HINT3: variants seen among roughly 807,000 people sequenced by gnomAD.
HINT3 encodes adenosine 5'-monophosphoramidase HINT3.
HINT3 carries 16 observed loss-of-function variants against 19.1 expected under a neutral mutation model. The ratio of observed to expected loss-of-function variants is 0.84; its 90% CI spans 0.57 to 1.27. HINT3 has a LOEUF of 1.27. Among genes scored for constraint, HINT3 ranks in the 50% most tolerant of loss-of-function variants. The pLI is 0.00. For synonymous variants in HINT3, 75 were observed against 84.8 expected, an observed-to-expected ratio of 0.88 and a Z score of 0.63; for missense variants, 197 against 225.8, an observed-to-expected ratio of 0.87 and a Z score of 0.82.
At chr6:125,957,253 G>A (rs1788853544) in intron 1 of HINT3, 75 bp downstream of exon 1, 5 of 1,417,316 alleles carry the variant, frequency 3.5e-6, no homozygotes, top group Admixed American at 2.2e-5. Flanking sequence ...AGGCCTCGCC[G>A]TTGTGGAGCG....
intron 1 of HINT3, among the ~76,000 whole-genome samples, chr6:125,964,737 T>TACACACACACAC (rs3083382): frequency 6.1e-5 from 9 of 148,436 alleles, no homozygotes; most frequent in Non-Finnish European, 1.2e-4. Flanking sequence ...AATAGTTTTA[T>TACACACACACAC]ACACACACAC....
intron 2 of HINT3, 62 bp downstream of exon 2, chr6:125,967,066 TGAA>T: frequency 9.6e-7 from 1 of 1,046,154 alleles, no homozygotes; most frequent in Non-Finnish European, 1.4e-6. Flanking sequence ...GTGATGGCAG[TGAA>T]GATTAAAAAG....
chr6:125,962,613 T>C (rs1396829424), intron 1 of HINT3, among the ~76,000 whole-genome samples: 2 of 152,166 alleles, frequency 1.3e-5, no homozygotes, highest in African/African-American at 2.4e-5. Context: ...AGAGAAAAAT[T>C]TCCATTTGGA....
chr6:125,962,241 T>C (rs1323282312), intron 1 of HINT3, among the ~76,000 whole-genome samples: 2 of 40,322 alleles, frequency 5.0e-5, no homozygotes, highest in African/African-American at 2.1e-4. Context: ...TATACACATA[T>C]ATATATATAC....
intron 2 of HINT3, among the ~76,000 whole-genome samples, chr6:125,970,364 A>T (rs1789080864): frequency 6.6e-6 from 1 of 151,982 alleles, no homozygotes; most frequent in Non-Finnish European, 1.5e-5. Flanking sequence ...AAAAGTTTTT[A>T]TTTTCATTCT....
intron 2 of HINT3, among the ~76,000 whole-genome samples, chr6:125,969,384 A>G (rs983857078): frequency 6.6e-6 from 1 of 152,154 alleles, no homozygotes; most frequent in African/African-American, 2.4e-5. Flanking sequence ...TTGTACCACT[A>G]TCATGCTGTT....
intron 2 of HINT3, 119 bp downstream of exon 2, chr6:125,967,123 T>A (rs1789029799): frequency 1.7e-6 from 1 of 585,074 alleles, no homozygotes; most frequent in Non-Finnish European, 2.9e-6. Flanking sequence ...ATTATGACTT[T>A]TTGAAATTTT....
chr6:125,957,225 C>A, intron 1 of HINT3, 47 bp downstream of exon 1: 1 of 1,503,028 alleles, frequency 6.7e-7, no homozygotes, highest in Non-Finnish European at 8.9e-7. Flanking sequence ...CTGGCCGCCC[C>A]TCGGAGCTCC....
intron 3 of HINT3, 66 bp downstream of exon 3, chr6:125,972,394 C>A: frequency 1.0e-6 from 1 of 1,002,638 alleles, no homozygotes; most frequent in South Asian, 1.9e-5. Context: ...TGTCATTTCT[C>A]CATGGAAAAT....
At position 125,973,065 on chromosome 6, in the gene HINT3, C is replaced by CTTTTTT. The variant is rs869084942; in HGVS notation, c.389+760_389+765dup. 1.5e-3 allele frequency among the ~76,000 whole-genome samples: 115 copies of CTTTTTT among 74,482 alleles called. 23 individuals carry two copies. The highest frequency in any genetic ancestry group is 3.8e-3 in the African/African-American group (70 of 18,660). The allele number at this position is 74,482 out of a possible 152,430, so 48.9% of individuals were successfully genotyped here. On this transcript the variant is annotated intron_variant, in intron 3 of 4. Coordinates refer to ENST00000229633, the MANE Select transcript of HINT3 (RefSeq NM_138571.5). ...AAGCACATGATGTTCAATTTTTCAA[C>CTTTTTT]TTTTTTTTTTTTTTTTTTTTTTTTT...
In HINT3 at chr6:125,962,285, T is replaced by C. The variant is rs188873312; in HGVS notation, c.202-4602T>C. Among the ~76,000 whole-genome samples, 7 of 28,852 alleles carry C rather than the reference T, an allele frequency of 2.4e-4. 1 individual carries two copies. Among genetic ancestry groups the C allele is most frequent in the East Asian group, 2.4e-3 (1 of 418 alleles). The allele number at this position is 28,852 out of a possible 152,430, so 18.9% of individuals were successfully genotyped here. A position where few individuals can be genotyped will look rare whatever the true frequency, so the allele number is the denominator to read the frequency against. Reference sequence around the variant, plus strand: ...ATATATATATACATACATATATATATACACATATATATATATATATATCAC... The same window carrying C: ...ATATATATATACATACATATATATACACACATATATATATATATATATCAC... On this transcript the variant is annotated intron_variant, in intron 1 of 4. Coordinates refer to ENST00000229633, the MANE Select transcript of HINT3 (RefSeq NM_138571.5).
intron 1 of HINT3, among the ~76,000 whole-genome samples, chr6:125,957,811 T>G (rs557529820): frequency 2.6e-5 from 4 of 152,230 alleles, no homozygotes; most frequent in Non-Finnish European, 5.9e-5. Context: ...TGGCACACAC[T>G]TTATTCTGTT....
rs1789156660 is a variant in HINT3, at chr6:125,974,743, TTAGG to T, written c.390-101_390-98del. ...TGAGATTTGTGACAGTCTATTTACC[TTAGG>T]TACTTATTTTGGATCTCATTAAAAT... On this transcript the variant is annotated intron_variant, in intron 3 of 4. Coordinates refer to ENST00000229633, the MANE Select transcript of HINT3 (RefSeq NM_138571.5). 2.1e-5 allele frequency: 23 copies of T among 1,088,158 alleles called. No homozygotes were observed. In the South Asian group the frequency reaches 3.2e-4, roughly 15 times the overall value. The allele number at this position is 1,088,158 out of a possible 1,614,324, so 67.4% of individuals were successfully genotyped here.
At chr6:125,967,231 A>G (rs1365253459) in intron 2 of HINT3, among the ~76,000 whole-genome samples, 1 of 152,206 alleles carries the variant, frequency 6.6e-6, no homozygotes, top group African/African-American at 2.4e-5. Flanking sequence ...ATTTTAAAAA[A>G]TACATTAACC....
intron 1 of HINT3, 25 bp downstream of exon 1, chr6:125,957,203 G>A: frequency 6.5e-7 from 1 of 1,536,566 alleles, no homozygotes; most frequent in Non-Finnish European, 8.8e-7. Context: ...GCGGCCGGGG[G>A]TGGGTGAGGA....
intron 3 of HINT3, among the ~76,000 whole-genome samples, chr6:125,972,578 T>C (rs909938333): frequency 2.0e-5 from 3 of 152,170 alleles, no homozygotes; most frequent in Non-Finnish European, 4.4e-5. Flanking sequence ...GTAAAATAGT[T>C]ACAAGTCTAC....
At chr6:125,963,589 AATC>A (rs1788975454) in intron 1 of HINT3, among the ~76,000 whole-genome samples, 1 of 152,202 alleles carries the variant, frequency 6.6e-6, no homozygotes, top group South Asian at 2.1e-4. Flanking sequence ...CTCTTCCTCT[AATC>A]CATGCATTTC....
At position 125,978,625 on chromosome 6, in the gene HINT3, G is replaced by A. The variant is rs1000544452; in HGVS notation, c.*949G>A. 2 of 152,148 alleles carry A rather than the reference G, an allele frequency of 1.3e-5. No individual in the cohort carries two copies. The highest frequency in any genetic ancestry group is 2.4e-5 in the African/African-American group (1 of 41,430). 9.4% of individuals were successfully genotyped at this position (152,148 alleles called of 1,614,324 possible). On this transcript the variant is annotated 3_prime_UTR_variant, in exon 5 of 5. Transcript: ENST00000229633. Reference sequence around the variant, plus strand: ...AATCTATAGGCACAATAGTGAATATGAATGAAGAGTAGGTGCTGCAAGTTA... The same window carrying A: ...AATCTATAGGCACAATAGTGAATATAAATGAAGAGTAGGTGCTGCAAGTTA...
At position 125,957,000 on chromosome 6, in the gene HINT3, G is replaced by A. The variant is rs571982659; in HGVS notation, c.23G>A (p.Arg8His). MAEEQVN[R>H]SAGLAPDCEA... ...GCAATGGCGGAGGAACAGGTGAACC[G>A]CAGCGCCGGCCTGGCCCCCGACTGT... is the stretch of plus-strand genomic sequence containing the variant. The change falls in exon 1 of 5, where the codon CGC (arginine) becomes CAC (histidine). Residue 8 changes from arginine to histidine, a missense_variant. Transcript: ENST00000229633. The A allele has an allele frequency of 7.7e-6, 12 of 1,550,140 alleles. No individual in the cohort carries two copies. In the South Asian group the frequency reaches 8.3e-5, roughly 11 times the overall value.
Sources: allele counts gnomAD v4.1 joint callset (sites outside exome capture counted in the v4.1 genomes callset), GRCh38; gene constraint gnomAD v4.1.1; transcripts MANE v1.5; gene names NCBI Gene and HGNC (gene_info 2026-07-23, HGNC 2026-07-21).